The following XKR6 variants were observed in gnomAD, a reference collection of about 807,000 sequenced individuals.
The protein encoded by XKR6 is XK related 6.
XKR6 carries 22 observed loss-of-function variants against 56.7 expected under a neutral mutation model. The ratio of observed to expected loss-of-function variants is 0.39; its 90% CI spans 0.28 to 0.55. The LOEUF is 0.55. Among genes scored for constraint, XKR6 ranks in the 20% least tolerant of loss-of-function variants. XKR6 has a pLI of 0.66. For missense variants in XKR6, 852 were observed against 889.0 expected (o/e 0.96, Z 0.53); for synonymous variants, 524 against 387.8 (o/e 1.35, Z -4.13).
At chr8:11,069,291 C>T (rs1419618472) in intron 1 of XKR6, among the ~76,000 whole-genome samples, 1 of 152,174 alleles carries the variant, frequency 6.6e-6, no homozygotes, top group African/African-American at 2.4e-5. Flanking sequence ...CCTTCTGCCT[C>T]CCAGAAGCCC....
chr8:10,938,882 C>T (rs1209923235), intron 1 of XKR6, among the ~76,000 whole-genome samples: 1 of 152,134 alleles, frequency 6.6e-6, no homozygotes, highest in East Asian at 1.9e-4. Context: ...AAAAAAGAAT[C>T]TTAAATTTTT....
At chr8:11,185,764 T>A (rs543525489) in intron 1 of XKR6, among the ~76,000 whole-genome samples, 1 of 152,208 alleles carries the variant, frequency 6.6e-6, no homozygotes, top group Non-Finnish European at 1.5e-5. Flanking sequence ...ATACTTTTCA[T>A]TGAGTCCCTG....
chr8:11,003,501 G>C (rs758727264), intron 1 of XKR6, among the ~76,000 whole-genome samples: 27 of 152,170 alleles, frequency 1.8e-4, no homozygotes, highest in Admixed American at 1.6e-3. Flanking sequence ...ACCAGTGTCA[G>C]TCATCACTGT....
At chr8:10,906,498 A>G (rs1282553246) in intron 2 of XKR6, among the ~76,000 whole-genome samples, 1 of 152,268 alleles carries the variant, frequency 6.6e-6, no homozygotes, top group Non-Finnish European at 1.5e-5. Context: ...ATCTTCTTTT[A>G]AAACTTTTGC....
intron 1 of XKR6, among the ~76,000 whole-genome samples, chr8:11,145,986 C>T (rs1196672339): frequency 1.3e-5 from 2 of 151,858 alleles, no homozygotes; most frequent in African/African-American, 2.4e-5. Context: ...GTGTGGGCAT[C>T]GAGATACACA....
intron 1 of XKR6, among the ~76,000 whole-genome samples, chr8:11,053,671 T>C (rs1328866825): frequency 2.6e-5 from 4 of 152,230 alleles, no homozygotes; most frequent in Non-Finnish European, 5.9e-5. Context: ...CAGCTTTCAT[T>C]GATCAAATCT....
intron 1 of XKR6, among the ~76,000 whole-genome samples, chr8:10,992,499 C>A (rs1377116626): frequency 6.6e-6 from 1 of 152,182 alleles, no homozygotes; most frequent in South Asian, 2.1e-4. Context: ...GGTCTCTATT[C>A]CTTCAGACAG....
At chr8:11,036,097 C>G (rs1481035585) in intron 1 of XKR6, among the ~76,000 whole-genome samples, 1 of 151,768 alleles carries the variant, frequency 6.6e-6, no homozygotes, top group Non-Finnish European at 1.5e-5. Context: ...ATACCCACCA[C>G]CATACCAGGC....
intron 1 of XKR6, among the ~76,000 whole-genome samples, chr8:11,142,701 G>A (rs1032259275): frequency 3.3e-5 from 5 of 152,144 alleles, no homozygotes; most frequent in African/African-American, 1.2e-4. Flanking sequence ...AGCAGAAGCT[G>A]GTGCCATGCT....
chr8:11,046,619 G>A (rs934089736), intron 1 of XKR6, among the ~76,000 whole-genome samples: 3 of 152,096 alleles, frequency 2.0e-5, no homozygotes, highest in African/African-American at 7.2e-5. Flanking sequence ...AAAAAATAAG[G>A]AAATTCTGAC....
At chr8:11,141,133 T>C (rs1800675853) in intron 1 of XKR6, among the ~76,000 whole-genome samples, 2 of 152,210 alleles carry the variant, frequency 1.3e-5, no homozygotes, top group South Asian at 2.1e-4. Flanking sequence ...GGAGAACAGA[T>C]GCAAAAGACT....
intron 1 of XKR6, among the ~76,000 whole-genome samples, chr8:11,112,324 G>C (rs1312351501): frequency 6.6e-6 from 1 of 152,014 alleles, no homozygotes; most frequent in African/African-American, 2.4e-5. Context: ...TACAGTCTTT[G>C]TGCTTCTATT....
At position 10,898,984 on chromosome 8, in the gene XKR6, C is replaced by T. The variant is rs1799962658; in HGVS notation, c.962-68G>A. ...TCAACCGCAGGGCACAGTGAAGCTG[C>T]CGGCTGAGGAGACGCCCACATACAC... is the stretch of plus-strand genomic sequence containing the variant. On this transcript the variant is annotated intron_variant, in intron 2 of 2. Coordinates refer to ENST00000416569, the MANE Select transcript of XKR6 (RefSeq NM_173683.4). The surrounding 1 kb of genome is among the most constrained non-coding windows in gnomAD (Gnocchi z 6.6). 3 of 1,515,812 alleles carry T rather than the reference C, an allele frequency of 2.0e-6. No homozygotes were observed. Among genetic ancestry groups the T allele is most frequent in the South Asian group, 1.3e-5 (1 of 75,426 alleles). 93.9% of individuals were successfully genotyped at this position (1,515,812 alleles called of 1,614,324 possible).
rs934967911 is a variant in XKR6, at chr8:11,071,495, C to A, written c.764+129081G>T. On this transcript the variant is annotated intron_variant, in intron 1 of 2. Transcript: ENST00000416569. ...AGCCCCGAGTCCATGAGCCCCGAGT[C>A]CATGAGCCCCGAGTCTATGAGCCCC... is the stretch of plus-strand genomic sequence containing the variant. Among the ~76,000 whole-genome samples the A allele has an allele frequency of 2.6e-3, 354 of 138,190 alleles. 5 individuals are homozygous for A. Among genetic ancestry groups the A allele is most frequent in the Admixed American group, 5.5e-3 (80 of 14,430 alleles). 90.7% of individuals were successfully genotyped at this position (138,190 alleles called of 152,430 possible).
chr8:11,112,837 T>C (rs1798973462), intron 1 of XKR6, among the ~76,000 whole-genome samples: 1 of 152,314 alleles, frequency 6.6e-6, no homozygotes, highest in East Asian at 1.9e-4. Context: ...TAATTCTCCC[T>C]ATCATTACAG....
intron 1 of XKR6, among the ~76,000 whole-genome samples, chr8:11,024,741 C>A (rs1798823061): frequency 6.6e-6 from 1 of 152,222 alleles, no homozygotes; most frequent in Non-Finnish European, 1.5e-5. Flanking sequence ...GGCCAAGTCA[C>A]AGATGGGATG....
chr8:11,155,038 T>G (rs1290357537), intron 1 of XKR6, among the ~76,000 whole-genome samples: 1 of 152,224 alleles, frequency 6.6e-6, no homozygotes, highest in Non-Finnish European at 1.5e-5. Flanking sequence ...CGTTAGAGAT[T>G]AAAACAAACA....
intron 1 of XKR6, among the ~76,000 whole-genome samples, chr8:11,025,278 G>A (rs537641857): frequency 1.3e-5 from 2 of 152,184 alleles, no homozygotes; most frequent in Non-Finnish European, 2.9e-5. Context: ...CAGTGGTTAC[G>A]TTTGATGTCC....
At chr8:10,941,659 G>A (rs1312150000) in intron 1 of XKR6, among the ~76,000 whole-genome samples, 2 of 152,212 alleles carry the variant, frequency 1.3e-5, no homozygotes, top group African/African-American at 2.4e-5. Flanking sequence ...CTGGGCTTCA[G>A]CCCCAGCCTC....
Sources: gnomAD v4.1 joint callset for allele counts (sites outside exome capture counted in the v4.1 genomes callset) on GRCh38, gnomAD v4.1.1 for gene constraint, Gnocchi (gnomAD v3.1) non-coding constraint, MANE v1.5 for transcripts, NCBI Gene and HGNC (gene_info 2026-07-23, HGNC 2026-07-21) for gene names.